Variants in CDSN observed in about 807,000 individuals in gnomAD.
CDSN encodes S protein.
Under a neutral mutation model 25.6 loss-of-function variants are expected in CDSN, and 11 were observed. That is an observed-to-expected ratio of 0.43 (90% confidence interval 0.27 to 0.71). The LOEUF (loss-of-function observed/expected upper bound fraction) is 0.71. Ranked by LOEUF, CDSN falls within the 30% of genes least tolerant of loss-of-function variation. The probability of loss-of-function intolerance (pLI) is 0.20; values close to 1 mark genes in which losing one functional copy is unlikely to be tolerated. For synonymous variants in CDSN, 266 were observed against 267.4 expected (o/e 0.99, Z 0.05); for missense variants, 598 against 670.9 (o/e 0.89, Z 1.20).
intron 1 of CDSN, chr6:31,118,860 T>TTTTC (rs1772310750): frequency 6.7e-6 from 1 of 149,038 alleles, no homozygotes; most frequent in African/African-American, 2.5e-5. Context: ...TTTTTTTTTT[T>TTTTC]TGTGAGATGG....
rs1289456097 is a variant in CDSN, at chr6:31,117,142, C to T, written c.473G>A (p.Ser158Asn). ...GCTGCTGCTGAACTGAAAGCTGCTG[C>T]TGCTGCTCGAATGAGAGCTGCTGCT... ...SGSSSSHSSS[S>N]SSFQFSSSSF... Residue 158 changes from serine (S) to asparagine (N), a missense_variant, in exon 2 of 2, where the codon AGC becomes AAC. Transcript: ENST00000376288. 1 of 1,610,202 alleles carries T rather than the reference C, an allele frequency of 6.2e-7. No homozygotes were observed. Among genetic ancestry groups the T allele is most frequent in the African/African-American group, 1.4e-5 (1 of 73,780 alleles).
chr6:31,119,533 T>C (rs9263672), intron 1 of CDSN, among the ~76,000 whole-genome samples: 117,762 of 152,018 alleles, frequency 0.77, 46,270 homozygotes, highest in African/African-American at 0.9. Context: ...CTAACTTCTC[T>C]GAGCCTCAGT....
chr6:31,116,923 G>C lies in CDSN; in HGVS notation c.692C>G (p.Pro231Arg). The change falls in exon 2 of 2, where the codon CCC (proline) becomes CGC (arginine). Residue 231 changes from proline (P) to arginine (R), a missense_variant. By Grantham distance (103) the Pro-to-Arg change is moderately radical (BLOSUM62 -2). Coordinates refer to ENST00000376288, the MANE Select transcript of CDSN (RefSeq NM_001264.5). ...GTAGGGGCCGGAGTGCGAGACGATG[G>C]GCCCTCCACTGCAGGGAGAGTCGGG... ...DIPDSPCSGG[P>R]IVSHSGPYIP... 1 of 1,614,170 alleles carries C rather than the reference G, an allele frequency of 6.2e-7. No homozygotes were observed. The highest frequency in any genetic ancestry group is 8.5e-7 in the Non-Finnish European group (1 of 1,179,998).
rs1216818061 is a variant in CDSN at position 31,116,014 on chromosome 6, C to G, written c.*11G>C. On this transcript the variant is annotated 3_prime_UTR_variant, in exon 2 of 2. Coordinates refer to ENST00000376288, the MANE Select transcript of CDSN (RefSeq NM_001264.5). ...GTGCCCAAGGCATGCACACACACAACAGTTGACTTCTTATGGACTGTTGAG... is the reference window on the plus strand; with the variant it reads ...GTGCCCAAGGCATGCACACACACAAGAGTTGACTTCTTATGGACTGTTGAG... 1.3e-6 allele frequency: 2 copies of G among 1,555,116 alleles called. No individual in the cohort carries two copies. The highest frequency in any genetic ancestry group is 1.7e-6 in the Non-Finnish European group (2 of 1,159,892).
At position 31,117,342 on chromosome 6, in the gene CDSN, G is replaced by C; in HGVS notation, c.273C>G (p.Ser91Arg). Residue 91 changes from serine to arginine, a missense_variant, in exon 2 of 2, where the codon AGC becomes AGG. Coordinates refer to ENST00000376288, the MANE Select transcript of CDSN (RefSeq NM_001264.5). ...ARSSGGGSSGSSSGSSIAQGG... is the reference protein window; with the variant it reads ...ARSSGGGSSGRSSGSSIAQGG... ...CCTGGGCAATGCTGGATCCGCTGGA[G>C]CTACCACTGGAGCCACCACCAGAGC... 6.3e-7 allele frequency: 1 copy of C among 1,577,568 alleles called. No homozygotes were observed. Among genetic ancestry groups the C allele is most frequent in the Non-Finnish European group, 8.6e-7 (1 of 1,161,480 alleles).
At chr6:31,119,030 G>C (rs1772321304) in intron 1 of CDSN, among the ~76,000 whole-genome samples, 1 of 151,826 alleles carries the variant, frequency 6.6e-6, no homozygotes, top group African/African-American at 2.4e-5. Context: ...TTTTAGTAGA[G>C]AGGGGGTTTC....
Position 31,116,147 on chromosome 6 carries a change from T to G in CDSN, c.1468A>C (p.Ser490Arg). The G allele has an allele frequency of 6.2e-7, 1 of 1,611,140 alleles. No homozygotes were observed. The highest frequency in any genetic ancestry group is 8.5e-7 in the Non-Finnish European group (1 of 1,178,316). ...GAGCGGCAGGGGATCTTTCCAGCAC[T>G]GCTGGAGCCACAGGGCTTGGCACCA... is the stretch of plus-strand genomic sequence containing the variant. Reference protein sequence around the residue: ...SAGAKPCGSSSAGKIPCRSIR... With the variant: ...SAGAKPCGSSRAGKIPCRSIR... Residue 490 changes from serine (S) to arginine (R), a missense_variant, in exon 2 of 2, where the codon AGT becomes CGT. Ser to Arg is a moderately radical substitution (Grantham distance 110). Transcript: ENST00000376288.
rs772694589 is a variant in CDSN at position 31,116,842 on chromosome 6, T to TCCA, written c.770_772dup (p.Val257dup). ...TCCAGGGGCACCAGAACCGTGCTGG[T>TCCA]CCACCACCACCACCACAGGCCTCTG... On this transcript the variant is annotated inframe_insertion, in exon 2 of 2. Transcript: ENST00000376288. The TCCA allele has an allele frequency of 2.0e-5, 32 of 1,608,016 alleles. No individual in the cohort carries two copies. The highest frequency in any genetic ancestry group is 2.7e-5 in the African/African-American group (2 of 74,794).
chr6:31,120,334 C>G lies in CDSN; in HGVS notation c.85+1G>C, dbSNP rs1173908978. On this transcript the variant is annotated splice_donor_variant, in intron 1 of 1. Coordinates refer to ENST00000376288, the MANE Select transcript of CDSN (RefSeq NM_001264.5). LOFTEE classifies it high-confidence loss of function. The stretch of plus-strand genomic sequence containing the variant: ...TGTTCCCAGGGCCCCCAGCCTCCTA[C>G]CTGGCAGGAGGAGACCAGCCAGCAG... 5.1e-6 allele frequency: 8 copies of G among 1,576,942 alleles called. No homozygotes were observed. Among genetic ancestry groups the G allele is most frequent in the Non-Finnish European group, 6.9e-6 (8 of 1,161,632 alleles).
rs1471405639 is a variant in CDSN, at chr6:31,116,477, A to G, written c.1138T>C (p.Cys380Arg). 1.2e-6 allele frequency: 2 copies of G among 1,603,782 alleles called. No homozygotes were observed. Among genetic ancestry groups the G allele is most frequent in the African/African-American group, 1.3e-5 (1 of 74,916 alleles). The part of the protein sequence containing the change: ...QPVGTGGVQL[C>R]GGGSTGSKGP... ...TTGGAGCCCGTGGAGCCGCCTCCAC[A>G]GAGCTGGACCCCACCAGTCCCCACT... The change falls in exon 2 of 2, where the codon TGT (cysteine) becomes CGT (arginine). Residue 380 changes from cysteine to arginine, a missense_variant. Physicochemically the swap from Cys to Arg is radical, Grantham distance 180. Transcript: ENST00000376288.
rs1772156903 is a variant in CDSN at position 31,116,807 on chromosome 6, C to T, written c.808G>A (p.Gly270Ser). Residue 270 changes from glycine to serine, a missense_variant, in exon 2 of 2, where the codon GGT becomes AGT. Gly to Ser is a moderately conservative substitution (Grantham distance 56, BLOSUM62 0). Transcript: ENST00000376288. ...HGSGAPGVVQ[G>S]PPCSNGGLPG... ...AGGCCACCATTGCTACAGGGGGGAC[C>T]TTGAACCACTCCAGGGGCACCAGAA... The T allele has an allele frequency of 6.2e-7, 1 of 1,613,828 alleles. No homozygotes were observed. The highest frequency in any genetic ancestry group is 1.3e-5 in the African/African-American group (1 of 74,926).
chr6:31,117,008 C>A lies in CDSN; in HGVS notation c.607G>T (p.Gly203Trp). The A allele has an allele frequency of 2.5e-6, 4 of 1,614,218 alleles. No individual in the cohort carries two copies. The highest frequency in any genetic ancestry group is 3.4e-6 in the Non-Finnish European group (4 of 1,180,044). The change falls in exon 2 of 2, where the codon GGG becomes TGG. Residue 203 changes from glycine to tryptophan, a missense_variant. Transcript: ENST00000376288. Reference protein sequence around the residue: ...GQSSSSSQTFGVSSSGQSVSS... With the variant: ...GQSSSSSQTFWVSSSGQSVSS... ...ACGCTTTGGCCACTGCTGGATACCC[C>A]AAAGGTCTGGGAAGAGGAAGAGCTT...
chr6:31,116,003 C>A lies in CDSN; in HGVS notation c.*22G>T. 2 of 1,575,718 alleles carry A rather than the reference C, an allele frequency of 1.3e-6. No individual in the cohort carries two copies. Among genetic ancestry groups the A allele is most frequent in the Non-Finnish European group, 1.7e-6 (2 of 1,162,826 alleles). On this transcript the variant is annotated 3_prime_UTR_variant, in exon 2 of 2. Transcript: ENST00000376288. ...TGTGCTTGTTTGTGCCCAAGGCATG[C>A]ACACACACAACAGTTGACTTCTTAT... is the stretch of plus-strand genomic sequence containing the variant.
intron 1 of CDSN, among the ~76,000 whole-genome samples, 189 bp downstream of exon 1, chr6:31,120,146 C>T (rs1012230037): frequency 8.5e-5 from 13 of 152,160 alleles, no homozygotes; most frequent in South Asian, 6.2e-4. Context: ...TGTCATTAAC[C>T]CCACTTCAGA....
chr6:31,120,131 T>G lies in CDSN; in HGVS notation c.85+204A>C, dbSNP rs3132547. ...TTAATTTGAGACACACAGACTAGAG[T>G]TAGGTGTCATTAACCCCACTTCAGA... On this transcript the variant is annotated intron_variant, in intron 1 of 1. Transcript: ENST00000376288. 0.76 allele frequency among the ~76,000 whole-genome samples: 115,178 copies of G among 151,992 alleles called. 43,957 individuals are homozygous for G. The highest frequency in any genetic ancestry group is 0.83 in the South Asian group (3,991 of 4,816).
Position 31,117,342 on chromosome 6 carries a change from G to A in CDSN, c.273C>T (p.Ser91=). The change falls in exon 2 of 2, where the codon AGC becomes AGT. Residue 91 remains serine (S), a synonymous_variant. Transcript: ENST00000376288. ...CCTGGGCAATGCTGGATCCGCTGGA[G>A]CTACCACTGGAGCCACCACCAGAGC... ...ARSSGGGSSG[S]SSGSSIAQGG... is the part of the protein sequence containing the mutation. The A allele has an allele frequency of 6.3e-7, 1 of 1,577,568 alleles. No individual in the cohort carries two copies. The highest frequency in any genetic ancestry group is 8.6e-7 in the Non-Finnish European group (1 of 1,161,480).
rs1286587495 is a variant in CDSN, at chr6:31,116,618, A to C, written c.997T>G (p.Ser333Ala). 5 of 1,613,068 alleles carry C rather than the reference A, an allele frequency of 3.1e-6. No individual in the cohort carries two copies. Among genetic ancestry groups the C allele is most frequent in the South Asian group, 1.1e-5 (1 of 91,080 alleles). ...YFTKENPVKG[S>A]PGVPSFAAGP... The stretch of plus-strand genomic sequence containing the variant: ...GCTGCAAAGGAAGGGACCCCTGGAG[A>C]GCCTTTCACAGGGTTCTCTTTGGTG... Residue 333 changes from serine (S) to alanine (A), a missense_variant, in exon 2 of 2, where the codon TCT becomes GCT. By Grantham distance (99) the Ser-to-Ala change is moderately conservative. Transcript: ENST00000376288.
In CDSN at chr6:31,116,183, C is replaced by A; in HGVS notation, c.1432G>T (p.Asp478Tyr). 2 of 1,613,076 alleles carry A rather than the reference C, an allele frequency of 1.2e-6. No individual in the cohort carries two copies. The highest frequency in any genetic ancestry group is 1.7e-6 in the Non-Finnish European group (2 of 1,179,444). The stretch of plus-strand genomic sequence containing the variant: ...CAGGGCTTGGCACCAGCGGAGGGAT[C>A]AGGATGGGGAGAGCCATCGGGGCCC... ...TGGPDGSPHP[D>Y]PSAGAKPCGS... The change falls in exon 2 of 2, where the codon GAT (aspartate) becomes TAT (tyrosine). Residue 478 changes from aspartate (D) to tyrosine (Y), a missense_variant. Coordinates refer to ENST00000376288, the MANE Select transcript of CDSN (RefSeq NM_001264.5).
Position 31,116,580 on chromosome 6 carries a change from G to A in CDSN, c.1035C>T (p.Ile345=). The change falls in exon 2 of 2, where the codon ATC becomes ATT. Residue 345 remains isoleucine (I), a synonymous_variant. Transcript: ENST00000376288. The part of the protein sequence containing the change: ...GVPSFAAGPP[I]SEGKYFSSNP... ...TGCTGGAGAAGTATTTGCCCTCAGA[G>A]ATGGGGGGCCCAGCTGCAAAGGAAG... The A allele has an allele frequency of 1.9e-6, 3 of 1,613,866 alleles. No individual in the cohort carries two copies. Among genetic ancestry groups the A allele is most frequent in the Middle Eastern group, 3.3e-4 (2 of 6,060 alleles).
Sources: allele counts gnomAD v4.1 joint callset (sites outside exome capture counted in the v4.1 genomes callset), GRCh38; gene constraint gnomAD v4.1.1; transcripts MANE v1.5; gene names NCBI Gene and HGNC (gene_info 2026-07-23, HGNC 2026-07-21).